BRD4: variants seen among roughly 807,000 people sequenced by gnomAD.
BRD4 encodes bromodomain-containing protein 4.
In BRD4, 16 loss-of-function variants were observed where a neutral mutation model predicts 142.1. The ratio of observed to expected loss-of-function variants is 0.11; its 90% CI spans 0.08 to 0.17. The LOEUF is 0.17. Among genes scored for constraint, BRD4 ranks in the 10% least tolerant of loss-of-function variants. The pLI, the probability that BRD4 is intolerant of heterozygous loss-of-function variation, is 1.00. For missense variants in BRD4, 1,424 were observed against 1,810.9 expected (o/e 0.79, Z 3.88); for synonymous variants, 833 against 707.5 (o/e 1.18, Z -2.82).
At chr19:15,331,712 G>A (rs977430996) in intron 1 of BRD4, 3 of 151,792 alleles carry the variant, frequency 2.0e-5, no homozygotes, top group African/African-American at 7.3e-5. Flanking sequence ...CAGGCAAAAC[G>A]ACCTGGGTGC....
chr19:15,324,173 T>C (rs1231116440), intron 1 of BRD4, among the ~76,000 whole-genome samples: 5 of 151,824 alleles, frequency 3.3e-5, no homozygotes, highest in Admixed American at 3.3e-4. Flanking sequence ...AGAAACTTCC[T>C]ACACTGGGCA....
intron 1 of BRD4, among the ~76,000 whole-genome samples, chr19:15,323,369 C>G (rs1195872512): frequency 3.9e-5 from 6 of 152,000 alleles, no homozygotes; most frequent in Admixed American, 6.6e-5. Flanking sequence ...CCCAGTATGG[C>G]CCAGACTGGC....
chr19:15,307,980 G>A (rs2047928985), intron 1 of BRD4, among the ~76,000 whole-genome samples: 1 of 151,654 alleles, frequency 6.6e-6, no homozygotes, highest in African/African-American at 2.4e-5. Context: ...TGGGCATGGT[G>A]GCGGGCATCT....
chr19:15,245,427 AC>A (rs2145520562), intron 11 of BRD4, among the ~76,000 whole-genome samples: 1 of 152,304 alleles, frequency 6.6e-6, no homozygotes, highest in East Asian at 1.9e-4. Context: ...ATGACCAGCT[AC>A]TAAAGAGGTA....
intron 1 of BRD4, among the ~76,000 whole-genome samples, chr19:15,319,900 C>T (rs1044560782): frequency 8.5e-5 from 13 of 152,122 alleles, no homozygotes; most frequent in Admixed American, 7.9e-4. Flanking sequence ...CATGCCACTG[C>T]ACTACGGCCT....
intron 4 of BRD4, among the ~76,000 whole-genome samples, 178 bp downstream of exon 4, chr19:15,267,238 G>A (rs1379912909): frequency 1.3e-5 from 2 of 151,972 alleles, no homozygotes; most frequent in East Asian, 1.9e-4. Context: ...GAGGCCACAG[G>A]GCCACATGAC....
intron 7 of BRD4, among the ~76,000 whole-genome samples, chr19:15,262,665 G>A (rs565428781): frequency 3.3e-5 from 5 of 151,948 alleles, no homozygotes; most frequent in East Asian, 3.9e-4. Context: ...AGAGGCTGCC[G>A]TGAGCTATGA....
Position 15,236,839 on chromosome 19 carries a change from T to TA in BRD4, c.*1537dup. On this transcript the variant is annotated 3_prime_UTR_variant, in exon 20 of 20. Coordinates refer to ENST00000679869, the MANE Select transcript of BRD4 (RefSeq NM_001379291.1). Reference sequence around the variant, plus strand: ...AGAAATGTCAGGGAGACGCCAGCATTAAAAAAAGAGAGATGTGTTTATTCC... The same window carrying TA: ...AGAAATGTCAGGGAGACGCCAGCATTAAAAAAAAGAGAGATGTGTTTATTCC... 1 of 183,304 alleles carries TA rather than the reference T, an allele frequency of 5.5e-6. No individual in the cohort carries two copies. Among genetic ancestry groups the TA allele is most frequent in the Non-Finnish European group, 1.2e-5 (1 of 86,548 alleles). The allele number at this position is 183,304 out of a possible 1,614,324, so 11.4% of individuals were successfully genotyped here.
Position 15,297,496 on chromosome 19 carries a change from C to T in BRD4, c.-34-24363G>A, listed in dbSNP as rs566039994. ...GTTTTAAAATCGCCTTGGGGTACTG[C>T]GGTTGCTTTTCAAGTCTTTTACCCA... On this transcript the variant is annotated intron_variant, in intron 1 of 19. Coordinates refer to ENST00000679869, the MANE Select transcript of BRD4 (RefSeq NM_001379291.1). Among the ~76,000 whole-genome samples, 16 of 152,286 alleles carry T rather than the reference C, an allele frequency of 1.1e-4. No homozygotes were observed. In the East Asian group the frequency reaches 2.9e-3, roughly 27 times the overall value.
intron 1 of BRD4, among the ~76,000 whole-genome samples, chr19:15,302,732 G>A (rs911337143): frequency 5.4e-5 from 8 of 149,212 alleles, no homozygotes; most frequent in East Asian, 2.0e-4. Context: ...TGGGCCGGGC[G>A]CAGTGGTTCA....
chr19:15,327,443 T>C (rs866824390), intron 1 of BRD4, among the ~76,000 whole-genome samples: 24 of 152,108 alleles, frequency 1.6e-4, no homozygotes, highest in South Asian at 4.2e-4. Flanking sequence ...ACTTGGGAGG[T>C]TGAAGCAGGA....
intron 11 of BRD4, chr19:15,245,074 G>C: frequency 2.1e-6 from 1 of 478,696 alleles, no homozygotes; most frequent in Non-Finnish European, 3.8e-6. Context: ...ACTACTCAAG[G>C]GTCAGTCACT....
At chr19:15,318,826 A>G (rs562794921) in intron 1 of BRD4, among the ~76,000 whole-genome samples, 3 of 152,318 alleles carry the variant, frequency 2.0e-5, no homozygotes, top group Admixed American at 1.3e-4. Context: ...CAACAGACCC[A>G]TTCTGGTACA....
intron 1 of BRD4, among the ~76,000 whole-genome samples, chr19:15,288,850 T>C (rs2047760006): frequency 6.6e-6 from 1 of 152,116 alleles, no homozygotes; most frequent in Non-Finnish European, 1.5e-5. Flanking sequence ...AACAGTACCA[T>C]CTGCTGAGGG....
At chr19:15,261,611 A>T (rs2047472229) in intron 7 of BRD4, among the ~76,000 whole-genome samples, 1 of 152,248 alleles carries the variant, frequency 6.6e-6, no homozygotes, top group Non-Finnish European at 1.5e-5. Context: ...ACCAAAGTGA[A>T]GAGAGGGCAA....
At chr19:15,291,450 G>A (rs2047781272) in intron 1 of BRD4, among the ~76,000 whole-genome samples, 1 of 152,096 alleles carries the variant, frequency 6.6e-6, no homozygotes, top group Non-Finnish European at 1.5e-5. Context: ...AAACCCTATG[G>A]AAAAAAGAAA....
intron 1 of BRD4, among the ~76,000 whole-genome samples, chr19:15,302,281 A>G (rs2047875473): frequency 6.6e-6 from 1 of 152,206 alleles, no homozygotes. Flanking sequence ...CAGGACTGGG[A>G]GATGCTGCTT....
chr19:15,257,073 G>T lies in BRD4; in HGVS notation c.1442C>A (p.Ala481Asp), dbSNP rs765955810. Residue 481 changes from alanine (A) to aspartate (D), a missense_variant, in exon 8 of 20, where the codon GCC (alanine) becomes GAC (aspartate). This residue lies in a region of BRD4 where 90 missense variants were observed against 93.2 expected (regional missense o/e 0.97). Coordinates refer to ENST00000679869, the MANE Select transcript of BRD4 (RefSeq NM_001379291.1). The part of the protein sequence containing the change: ...PAVPPPTKVV[A>D]PPSSSDSSSD... Reference sequence around the variant, plus strand: ...GCTGCTGTCGCTGGATGAGGGCGGGGCCACAACCTTGGTGGGAGGGGGCAC... The same window carrying T: ...GCTGCTGTCGCTGGATGAGGGCGGGTCCACAACCTTGGTGGGAGGGGGCAC... The T allele has an allele frequency of 9.3e-6, 15 of 1,605,618 alleles. No homozygotes were observed. Among genetic ancestry groups the T allele is most frequent in the Non-Finnish European group, 1.3e-5 (15 of 1,178,130 alleles).
chr19:15,328,692 C>T (rs1469780468), intron 1 of BRD4, among the ~76,000 whole-genome samples: 5 of 152,202 alleles, frequency 3.3e-5, no homozygotes, highest in Non-Finnish European at 7.3e-5. Flanking sequence ...ATTTAAGGTG[C>T]TCTTCTAGGC....
Sources: allele counts gnomAD v4.1 joint callset (sites outside exome capture counted in the v4.1 genomes callset), GRCh38; gene constraint gnomAD v4.1.1; regional missense constraint gnomAD v4.1.1; transcripts MANE v1.5; gene names NCBI Gene and HGNC (gene_info 2026-07-23, HGNC 2026-07-21).